Variants in RPS6KA2 observed in about 807,000 individuals in gnomAD.
RPS6KA2 encodes the protein ribosomal protein S6 kinase A2, also known as ribosomal protein S6 kinase alpha-2.
A neutral mutation model predicts 91.8 loss-of-function variants in RPS6KA2; 42 were observed. That is an observed-to-expected ratio of 0.46 (90% CI 0.36 to 0.59). The LOEUF (loss-of-function observed/expected upper bound fraction) is 0.59. Ranked by LOEUF, RPS6KA2 falls within the 20% of genes least tolerant of loss-of-function variation. The pLI is 0.00. For synonymous variants in RPS6KA2, 414 were observed against 393.6 expected, an observed-to-expected ratio of 1.05 and a Z score of -0.61; for missense variants, 798 against 978.5, an observed-to-expected ratio of 0.82 and a Z score of 2.46.
At chr6:166,447,708 A>G (rs1242582757) in intron 14 of RPS6KA2, among the ~76,000 whole-genome samples, 2 of 152,224 alleles carry the variant, frequency 1.3e-5, no homozygotes, top group African/African-American at 4.8e-5. Context: ...TTCAGAGTGT[A>G]GGAGAATCAC....
At chr6:166,628,991 C>T (rs1260991628), upstream of RPS6KA2, among the ~76,000 whole-genome samples, 5 of 152,208 alleles carry the variant, frequency 3.3e-5, no homozygotes, top group Non-Finnish European at 1.5e-5. Flanking sequence ...GCTTTGCCTG[C>T]TTCCTTTAAG....
chr6:166,514,916 G>C (rs1004073687), intron 3 of RPS6KA2, among the ~76,000 whole-genome samples: 2 of 152,166 alleles, frequency 1.3e-5, no homozygotes, highest in Non-Finnish European at 2.9e-5. Flanking sequence ...GAGAGAAGAG[G>C]CCACCTGCAT....
chr6:166,588,015 T>A (rs1785237023), intron 1 of RPS6KA2, among the ~76,000 whole-genome samples: 1 of 152,174 alleles, frequency 6.6e-6, no homozygotes, highest in South Asian at 2.1e-4. Context: ...ATAAAATGAA[T>A]GAAAATTGAG....
intron 2 of RPS6KA2, among the ~76,000 whole-genome samples, chr6:166,712,813 C>G (rs1414877723): frequency 6.6e-6 from 1 of 152,208 alleles, no homozygotes; most frequent in Non-Finnish European, 1.5e-5. Context: ...AATGGATAAG[C>G]AGACAGCACC....
In RPS6KA2 at chr6:166,544,404, C is replaced by T. The variant is rs538760603; in HGVS notation, c.100-5620G>A. Among the ~76,000 whole-genome samples, 4 of 152,306 alleles carry T rather than the reference C, an allele frequency of 2.6e-5. No homozygotes were observed. In the South Asian group the frequency reaches 6.2e-4, roughly 24 times the overall value. ...GCGAGCTCCATCTGCGGCACGACTC[C>T]TGATAGCTCGTGGGTCCTCGGCCTT... On this transcript the variant is annotated intron_variant, in intron 1 of 20. Transcript: ENST00000265678.
intron 6 of RPS6KA2, among the ~76,000 whole-genome samples, chr6:166,503,419 T>A (rs1012203173): frequency 6.6e-6 from 1 of 152,194 alleles, no homozygotes; most frequent in Non-Finnish European, 1.5e-5. Flanking sequence ...GGCTTGTCTT[T>A]TCTCAGTTCC....
intron 2 of RPS6KA2, among the ~76,000 whole-genome samples, chr6:166,747,564 C>T (rs932360828): frequency 6.6e-6 from 1 of 152,214 alleles, no homozygotes; most frequent in African/African-American, 2.4e-5. Flanking sequence ...GGCCGCTCCT[C>T]CTCCTCCTCC....
At chr6:166,789,692 A>T (rs952164695) in intron 2 of RPS6KA2, among the ~76,000 whole-genome samples, 2 of 152,308 alleles carry the variant, frequency 1.3e-5, no homozygotes, top group Admixed American at 1.3e-4. Flanking sequence ...AGGCAGCAGC[A>T]TTTGTGGGTC....
intron 10 of RPS6KA2, among the ~76,000 whole-genome samples, chr6:166,479,508 G>C (rs1781110760): frequency 6.6e-6 from 1 of 152,208 alleles, no homozygotes; most frequent in South Asian, 2.1e-4. Flanking sequence ...GCATGGTCCT[G>C]CTAACTGCCA....
At chr6:166,647,432 A>G (rs901681893) in intron 2 of RPS6KA2, among the ~76,000 whole-genome samples, 9 of 152,118 alleles carry the variant, frequency 5.9e-5, no homozygotes, top group African/African-American at 2.2e-4. Context: ...TTCCTCCCCA[A>G]TCTGTCTGCA....
intron 2 of RPS6KA2, among the ~76,000 whole-genome samples, chr6:166,838,259 A>T (rs1463740198): frequency 6.6e-6 from 1 of 152,248 alleles, no homozygotes; most frequent in Non-Finnish European, 1.5e-5. Flanking sequence ...ACACTGAAGA[A>T]GGGTGGTCAG....
chr6:166,724,440 TA>T (rs574961396), intron 2 of RPS6KA2, among the ~76,000 whole-genome samples: 271 of 146,822 alleles, frequency 1.8e-3, no homozygotes, highest in Non-Finnish European at 2.0e-3. Context: ...AAACTGATAT[TA>T]AAAAAAAAAA....
upstream of RPS6KA2, among the ~76,000 whole-genome samples, chr6:166,628,691 C>T (rs1021031776): frequency 1.3e-5 from 2 of 152,246 alleles, no homozygotes; most frequent in African/African-American, 4.8e-5. Flanking sequence ...CCCTTCCTTG[C>T]TTGGTGAACT....
intron 2 of RPS6KA2, among the ~76,000 whole-genome samples, chr6:166,536,219 C>T (rs1204813862): frequency 6.6e-6 from 1 of 152,250 alleles, no homozygotes; most frequent in Non-Finnish European, 1.5e-5. Context: ...CGGGACACTG[C>T]GTCCAGATTC....
chr6:166,850,278 G>A (rs1780706294), intron 2 of RPS6KA2, among the ~76,000 whole-genome samples: 1 of 151,596 alleles, frequency 6.6e-6, no homozygotes. Flanking sequence ...CTGACACCTT[G>A]CATCTTACCC....
intron 3 of RPS6KA2, among the ~76,000 whole-genome samples, chr6:166,516,214 CG>C (rs1442257078): frequency 2.6e-5 from 4 of 152,188 alleles, no homozygotes; most frequent in Non-Finnish European, 5.9e-5. Flanking sequence ...ACCTCTCCCC[CG>C]TTACAGCCTC....
chr6:166,860,347 ACCTTTACCATCTGC>A (rs1193507735), intron 1 of RPS6KA2, among the ~76,000 whole-genome samples: 1 of 152,110 alleles, frequency 6.6e-6, no homozygotes, highest in African/African-American at 2.4e-5. Flanking sequence ...TTTCCTCAAA[ACCTTTACCATCTGC>A]CCTCTCCTGG....
intron 2 of RPS6KA2, among the ~76,000 whole-genome samples, chr6:166,534,243 A>AAAAG (rs1562562849): frequency 3.3e-5 from 5 of 150,518 alleles, no homozygotes; most frequent in South Asian, 4.2e-4. Flanking sequence ...AAAAAAAAAA[A>AAAAG]AAAGAAAGAA....
chr6:166,743,711 A>G (rs914798376), intron 2 of RPS6KA2, among the ~76,000 whole-genome samples: 1 of 152,150 alleles, frequency 6.6e-6, no homozygotes, highest in African/African-American at 2.4e-5. Context: ...TGCGAGAGGG[A>G]TTCTCTGCCT....
Sources: gnomAD v4.1 joint callset for allele counts (sites outside exome capture counted in the v4.1 genomes callset) on GRCh38, gnomAD v4.1.1 for gene constraint, MANE v1.5 for transcripts, NCBI Gene and HGNC (gene_info 2026-07-23, HGNC 2026-07-21) for gene names.